The following CLYBL variants were observed in gnomAD, a reference collection of about 807,000 sequenced individuals.
CLYBL encodes the protein citramalyl-CoA lyase, mitochondrial.
CLYBL carries 31 observed loss-of-function variants against 38.9 expected under a neutral mutation model. The observed-to-expected ratio is 0.80, with a 90% CI of 0.60 to 1.08. The LOEUF is 1.08. CLYBL is among the 50% of genes least tolerant of loss of function. CLYBL has a pLI of 0.00. For missense variants in CLYBL, 434 were observed against 411.6 expected, an observed-to-expected ratio of 1.05 and a Z score of -0.47; for synonymous variants, 171 against 158.6, an observed-to-expected ratio of 1.08 and a Z score of -0.59.
chr13:99,891,330 T>C lies in CLYBL; in HGVS notation c.940T>C (p.Phe314Leu). 6.2e-7 allele frequency: 1 copy of C among 1,613,430 alleles called. No individual in the cohort carries two copies. Among genetic ancestry groups the C allele is most frequent in the Non-Finnish European group, 8.5e-7 (1 of 1,179,382 alleles). ...HQQLGKGAFT[F>L]QGSMIDMPLL... ...CTCTGTTTTCCAGGGGGCCTTTACT[T>C]TCCAAGGGAGTATGATCGACATGCC... Residue 314 changes from phenylalanine to leucine, a missense_variant, in exon 8 of 9, where the codon TTC becomes CTC. Coordinates refer to ENST00000339105, the MANE Select transcript of CLYBL (RefSeq NM_206808.5).
intron 1 of CLYBL, among the ~76,000 whole-genome samples, chr13:99,702,935 G>C (rs192256951): frequency 6.6e-6 from 1 of 152,242 alleles, no homozygotes; most frequent in Non-Finnish European, 1.5e-5. Context: ...GAGTGGGTGA[G>C]AGGAATACTT....
chr13:99,676,182 G>T (rs75524236), intron 1 of CLYBL, among the ~76,000 whole-genome samples: 4 of 84,732 alleles, frequency 4.7e-5, no homozygotes, highest in African/African-American at 1.3e-4. Flanking sequence ...CCTTCCCTCC[G>T]TCCGTCCTTC....
At chr13:99,666,303 G>A (rs918212821) in intron 1 of CLYBL, among the ~76,000 whole-genome samples, 3 of 152,174 alleles carry the variant, frequency 2.0e-5, no homozygotes, top group Admixed American at 6.5e-5. Context: ...TTAGATCTCA[G>A]TAAGGGGCCA....
chr13:99,803,173 G>A (rs1462852460), intron 2 of CLYBL, among the ~76,000 whole-genome samples: 1 of 152,226 alleles, frequency 6.6e-6, no homozygotes, highest in Non-Finnish European at 1.5e-5. Context: ...AGTGACAGAT[G>A]TGGAGTGGCC....
chr13:99,863,228 T>C, intron 4 of CLYBL, 136 bp downstream of exon 4: 1 of 495,660 alleles, frequency 2.0e-6, no homozygotes, highest in East Asian at 3.4e-5. Flanking sequence ...TGAGCACCAT[T>C]TGTTATCTGT....
chr13:99,889,367 T>C (rs2052430647), intron 7 of CLYBL, among the ~76,000 whole-genome samples: 1 of 152,176 alleles, frequency 6.6e-6, no homozygotes, highest in Non-Finnish European at 1.5e-5. Flanking sequence ...AACTAGACGA[T>C]TGCCTTGTAA....
chr13:99,867,963 T>C (rs1211021417), intron 6 of CLYBL, among the ~76,000 whole-genome samples: 1 of 152,146 alleles, frequency 6.6e-6, no homozygotes, highest in Non-Finnish European at 1.5e-5. Flanking sequence ...ACTTGGCCCC[T>C]AATTCAATCG....
At chr13:99,871,192 A>C in intron 7 of CLYBL, 130 bp downstream of exon 7, 2 of 1,038,528 alleles carry the variant, frequency 1.9e-6, no homozygotes, top group East Asian at 2.5e-5. Flanking sequence ...GGGAGGGAAC[A>C]CAACATTCAC....
chr13:99,847,134 G>T (rs2051224405), intron 2 of CLYBL, among the ~76,000 whole-genome samples: 1 of 152,146 alleles, frequency 6.6e-6, no homozygotes, highest in Admixed American at 6.5e-5. Context: ...AGGGACAGGT[G>T]ACACGTCTGT....
intron 7 of CLYBL, among the ~76,000 whole-genome samples, chr13:99,879,030 A>G (rs1323241189): frequency 6.6e-6 from 1 of 152,184 alleles, no homozygotes. Flanking sequence ...ATGGTCACAT[A>G]TGCAGATAAC....
chr13:99,886,377 A>G (rs1237601434), intron 7 of CLYBL, among the ~76,000 whole-genome samples: 1 of 152,210 alleles, frequency 6.6e-6, no homozygotes, highest in African/African-American at 2.4e-5. Flanking sequence ...CATCACCTTC[A>G]CCATCAAATT....
chr13:99,670,318 G>T (rs1334978774), intron 1 of CLYBL, among the ~76,000 whole-genome samples: 1 of 152,184 alleles, frequency 6.6e-6, no homozygotes, highest in African/African-American at 2.4e-5. Flanking sequence ...GATTGCGTCT[G>T]TGAATAGCCA....
At chr13:99,721,721 T>G (rs1011091409) in intron 1 of CLYBL, among the ~76,000 whole-genome samples, 3 of 150,960 alleles carry the variant, frequency 2.0e-5, no homozygotes, top group Non-Finnish European at 4.4e-5. Flanking sequence ...TATATCAGAT[T>G]CTTTTTTAGG....
intron 1 of CLYBL, among the ~76,000 whole-genome samples, chr13:99,761,303 A>G (rs1200400583): frequency 6.6e-6 from 1 of 152,258 alleles, no homozygotes; most frequent in Non-Finnish European, 1.5e-5. Flanking sequence ...CAGTGAGCCA[A>G]GATCGTGCCA....
At chr13:99,737,869 T>C (rs185073596) in intron 1 of CLYBL, among the ~76,000 whole-genome samples, 3 of 152,320 alleles carry the variant, frequency 2.0e-5, no homozygotes, top group East Asian at 3.9e-4. Context: ...ACTGTGCGCG[T>C]CAATTTTTTC....
chr13:99,650,194 T>C (rs755909903), intron 1 of CLYBL, among the ~76,000 whole-genome samples: 1 of 149,706 alleles, frequency 6.7e-6, no homozygotes, highest in Non-Finnish European at 1.5e-5. Flanking sequence ...ACCCAGGAGG[T>C]GGAGCTTGCA....
rs558455646 is a variant in CLYBL, at chr13:99,701,546, C to T, written c.63-71278C>T. 6.6e-5 allele frequency among the ~76,000 whole-genome samples: 10 copies of T among 152,210 alleles called. No individual in the cohort carries two copies. In the South Asian group the frequency reaches 8.3e-4, roughly 13 times the overall value. ...CAGGATGGTCTCGATCTCCTGACCTCGTGATCTGCCTGCCTCGGCCTCCCA... is the reference window on the plus strand; with the variant it reads ...CAGGATGGTCTCGATCTCCTGACCTTGTGATCTGCCTGCCTCGGCCTCCCA... On this transcript the variant is annotated intron_variant, in intron 1 of 8. Transcript: ENST00000339105.
chr13:99,700,712 G>A (rs9517840), intron 1 of CLYBL, among the ~76,000 whole-genome samples: 3,453 of 152,270 alleles, frequency 0.023, 64 homozygotes, highest in Middle Eastern at 0.092. Context: ...TGTGGATGGA[G>A]TGGGCCAGTC....
At chr13:99,900,400 G>A (rs758207531), downstream of CLYBL, among the ~76,000 whole-genome samples, 2 of 152,008 alleles carry the variant, frequency 1.3e-5, no homozygotes, top group Non-Finnish European at 2.9e-5. Flanking sequence ...TCCACTGCTG[G>A]CCTATGGAAG....
Sources: gnomAD v4.1 joint callset for allele counts (sites outside exome capture counted in the v4.1 genomes callset) on GRCh38, gnomAD v4.1.1 for gene constraint, MANE v1.5 for transcripts, NCBI Gene and HGNC (gene_info 2026-07-23, HGNC 2026-07-21) for gene names.